Variants in DNAH12 observed in about 807,000 individuals in gnomAD.
The protein encoded by DNAH12 is axonemal beta dynein heavy chain 12.
DNAH12 carries 285 observed loss-of-function variants against 371.5 expected under a neutral mutation model. The ratio of observed to expected loss-of-function variants is 0.77; its 90% CI spans 0.70 to 0.85. The LOEUF is 0.85. DNAH12 is among the 40% of genes least tolerant of loss of function. The pLI, the probability that DNAH12 is intolerant of heterozygous loss-of-function variation, is 0.00. For missense variants in DNAH12, 3,611 were observed against 3,689.4 expected (o/e 0.98, Z 0.55); for synonymous variants, 1,200 against 1,213.0 (o/e 0.99, Z 0.22).
chr3:57,295,672 C>A, intron 72 of DNAH12, 80 bp from the exon 73 acceptor site: 1 of 1,255,424 alleles, frequency 8.0e-7, no homozygotes, highest in Non-Finnish European at 1.1e-6. Flanking sequence ...TAGATATTGG[C>A]TTTTACTAAA....
intron 69 of DNAH12, among the ~76,000 whole-genome samples, chr3:57,307,233 T>C (rs937576760): frequency 1.3e-5 from 2 of 150,184 alleles, no homozygotes; most frequent in African/African-American, 4.9e-5. Context: ...GATACGACTT[T>C]AGATACCTGG....
At chr3:57,421,033 T>C (rs79390019) in intron 36 of DNAH12, among the ~76,000 whole-genome samples, 1,639 of 152,144 alleles carry the variant, frequency 0.011, 30 homozygotes, top group African/African-American at 0.037. Context: ...ACTCTCTTTC[T>C]GGCCAGATTC....
At chr3:57,400,446 GT>G (rs1370047040) in intron 43 of DNAH12, among the ~76,000 whole-genome samples, 1 of 152,250 alleles carries the variant, frequency 6.6e-6, no homozygotes, top group African/African-American at 2.4e-5. Context: ...CAATACAGTA[GT>G]CCCCCCTTAT....
In DNAH12 at chr3:57,510,934, C is replaced by T; in HGVS notation, c.325G>A (p.Val109Ile). The T allele has an allele frequency of 3.7e-6, 6 of 1,612,400 alleles. No homozygotes were observed. Among genetic ancestry groups the T allele is most frequent in the Non-Finnish European group, 5.1e-6 (6 of 1,179,698 alleles). The change falls in exon 5 of 74, where the codon GTA becomes ATA. Residue 109 changes from valine (V) to isoleucine (I), a missense_variant. Transcript: ENST00000495027. ...MKQCVESSPL[V>I]PIQQEWLDHM... ...TCCAGCCATTCCTGCTGAATAGGTACTAAAGGACTACTTTCTACACATTGC... is the reference window on the plus strand; with the variant it reads ...TCCAGCCATTCCTGCTGAATAGGTATTAAAGGACTACTTTCTACACATTGC...
intron 55 of DNAH12, among the ~76,000 whole-genome samples, chr3:57,369,568 G>C (rs1483420774): frequency 6.6e-6 from 1 of 151,582 alleles, no homozygotes; most frequent in African/African-American, 2.4e-5. Flanking sequence ...TTTCTTTCTT[G>C]GCTCTAATTG....
intron 23 of DNAH12, 136 bp downstream of exon 23, chr3:57,454,639 G>C: frequency 8.4e-7 from 1 of 1,193,318 alleles, no homozygotes; most frequent in South Asian, 1.5e-5. Context: ...GGAGGTTGAA[G>C]TGGGAGGATT....
chr3:57,425,475 C>T (rs981794883), intron 34 of DNAH12, among the ~76,000 whole-genome samples: 3 of 151,994 alleles, frequency 2.0e-5, no homozygotes, highest in Non-Finnish European at 4.4e-5. Context: ...GTGATCACAG[C>T]TCAGTGCAGC....
At chr3:57,360,309 A>T (rs1395007283) in intron 58 of DNAH12, among the ~76,000 whole-genome samples, 11 of 149,836 alleles carry the variant, frequency 7.3e-5, no homozygotes, top group African/African-American at 2.5e-4. Flanking sequence ...AGCACCAAAT[A>T]GTACAAGTGA....
intron 59 of DNAH12, 41 bp from the exon 60 acceptor site, chr3:57,352,266 T>C: frequency 1.3e-6 from 2 of 1,492,394 alleles, no homozygotes; most frequent in African/African-American, 1.4e-5. Context: ...CAAACAAAAC[T>C]AAGAAAATAT....
intron 2 of DNAH12, among the ~76,000 whole-genome samples, chr3:57,532,408 AG>A (rs2153400705): frequency 6.6e-6 from 1 of 152,200 alleles, no homozygotes; most frequent in South Asian, 2.1e-4. Context: ...GAAGTTCTTC[AG>A]TGTCTGGGCA....
At chr3:57,543,487 C>T (rs2069392366) in intron 1 of DNAH12, among the ~76,000 whole-genome samples, 1 of 150,766 alleles carries the variant, frequency 6.6e-6, no homozygotes, top group Non-Finnish European at 1.5e-5. Flanking sequence ...CGCCCAGCTA[C>T]TTTTTTGTGT....
chr3:57,306,918 C>G (rs559899519), intron 69 of DNAH12, among the ~76,000 whole-genome samples: 1 of 152,298 alleles, frequency 6.6e-6, no homozygotes, highest in South Asian at 2.1e-4. Flanking sequence ...ACCCATTATT[C>G]TGTTCTGGAT....
At chr3:57,454,916 C>T in intron 22 of DNAH12, 22 bp from the exon 23 acceptor site, 1 of 1,530,520 alleles carries the variant, frequency 6.5e-7, no homozygotes, top group South Asian at 1.3e-5. Context: ...AAATAAATTT[C>T]TAACTTTAAA....
At chr3:57,370,538 G>GT (rs2063149336) in intron 55 of DNAH12, among the ~76,000 whole-genome samples, 3 of 152,164 alleles carry the variant, frequency 2.0e-5, no homozygotes, top group Non-Finnish European at 4.4e-5. Context: ...ATTATAAACA[G>GT]ACAAACTGTT....
intron 17 of DNAH12, 44 bp downstream of exon 17, chr3:57,468,692 A>T (rs2066274938): frequency 1.7e-6 from 2 of 1,169,896 alleles, no homozygotes; most frequent in Admixed American, 7.7e-5. Context: ...AGAAAAGTTG[A>T]GAAGATAGCT....
chr3:57,475,526 T>C (rs2153381724), intron 13 of DNAH12, among the ~76,000 whole-genome samples: 2 of 152,308 alleles, frequency 1.3e-5, no homozygotes, highest in East Asian at 3.9e-4. Context: ...ACTGTATACT[T>C]AAAAATGGTT....
intron 60 of DNAH12, among the ~76,000 whole-genome samples, chr3:57,343,586 G>A (rs2062458599): frequency 6.6e-6 from 1 of 152,200 alleles, no homozygotes; most frequent in Non-Finnish European, 1.5e-5. Context: ...CTGAAATATG[G>A]CCTTGTGGGA....
intron 62 of DNAH12, among the ~76,000 whole-genome samples, chr3:57,327,687 G>A (rs1222469948): frequency 3.3e-5 from 5 of 151,892 alleles, no homozygotes; most frequent in African/African-American, 7.2e-5. Context: ...AAAGCTAGCA[G>A]AAGGCAAGAA....
intron 11 of DNAH12, among the ~76,000 whole-genome samples, chr3:57,498,994 G>T (rs969690182): frequency 8.2e-6 from 1 of 122,526 alleles, no homozygotes; most frequent in Non-Finnish European, 1.7e-5. Context: ...GCAAGACTCC[G>T]TCTCAAAAAC....
Sources: allele counts gnomAD v4.1 joint callset (sites outside exome capture counted in the v4.1 genomes callset), GRCh38; gene constraint gnomAD v4.1.1; transcripts MANE v1.5; gene names NCBI Gene and HGNC (gene_info 2026-07-23, HGNC 2026-07-21).